Variants in SCRN1 observed in about 807,000 individuals in gnomAD.
SCRN1 encodes the protein secernin-1.
In SCRN1, 19 loss-of-function variants were observed where a neutral mutation model predicts 43.3. The ratio of observed to expected loss-of-function variants is 0.44; its 90% confidence interval spans 0.31 to 0.64. The LOEUF (loss-of-function observed/expected upper bound fraction) is 0.64, where lower values mean the gene tolerates loss of function less well. SCRN1 is among the 30% of genes least tolerant of loss of function. SCRN1 has a pLI of 0.09. For synonymous variants in SCRN1, 183 were observed against 188.9 expected, an observed-to-expected ratio of 0.97 and a Z score of 0.26; for missense variants, 447 against 524.1, an observed-to-expected ratio of 0.85 and a Z score of 1.44.
intron 3 of SCRN1, among the ~76,000 whole-genome samples, chr7:29,951,071 G>A (rs1787903838): frequency 6.6e-6 from 1 of 152,254 alleles, no homozygotes; most frequent in Non-Finnish European, 1.5e-5. Flanking sequence ...GCCCTTTGGG[G>A]AGTCCAGACC....
intron 4 of SCRN1, among the ~76,000 whole-genome samples, chr7:29,941,758 C>A (rs528446289): frequency 2.0e-5 from 3 of 152,208 alleles, no homozygotes; most frequent in African/African-American, 7.2e-5. Context: ...ATGTCTTCTT[C>A]GAAGCCTGAG....
intron 1 of SCRN1, among the ~76,000 whole-genome samples, chr7:29,986,184 C>G (rs1017340129): frequency 6.6e-6 from 1 of 152,154 alleles, no homozygotes; most frequent in South Asian, 2.1e-4. Flanking sequence ...TGCAGTGAGC[C>G]GAGATCGTGC....
Position 29,940,855 on chromosome 7 carries a change from C to T in SCRN1, c.566G>A (p.Ser189Asn), listed in dbSNP as rs35960711. ...CATCTTAGTGGTGAGCGAAAGCTGA[C>T]TGCAAATGCACCTCACTCCCTCTGC... is the stretch of plus-strand genomic sequence containing the variant. ...KVTEGVRCIC[S>N]QLSLTTKMDA... is the part of the protein sequence containing the mutation. The change falls in exon 5 of 8, where the codon AGT becomes AAT. Residue 189 changes from serine (S) to asparagine (N), a missense_variant. Ser to Asn is a conservative substitution (Grantham distance 46). Transcript: ENST00000242059. The T allele has an allele frequency of 0.048, 74,303 of 1,552,436 alleles. 2,142 individuals carry two copies. The highest frequency in any genetic ancestry group is 0.11 in the African/African-American group (7,679 of 71,420).
chr7:29,968,969 A>G lies in SCRN1; in HGVS notation c.99T>C (p.Asp33=), dbSNP rs1788583890. Residue 33 remains aspartate, a synonymous_variant, in exon 2 of 8, where the codon GAT becomes GAC. Transcript: ENST00000242059. ...VFGKNSARPR[D]EVQEVVYFSA... The stretch of plus-strand genomic sequence containing the variant: ...AGAAATACACAACCTCTTGCACTTC[A>G]TCTCTGGGCCGGGCTGAATTTTTCC... 6.2e-7 allele frequency: 1 copy of G among 1,614,150 alleles called. No individual in the cohort carries two copies. Among genetic ancestry groups the G allele is most frequent in the Non-Finnish European group, 8.5e-7 (1 of 1,180,028 alleles).
chr7:29,978,929 T>C (rs912957562), intron 1 of SCRN1, among the ~76,000 whole-genome samples: 5 of 152,264 alleles, frequency 3.3e-5, no homozygotes, highest in East Asian at 1.9e-4. Context: ...TAGGGAAATA[T>C]AGAGTTCAAC....
At chr7:29,966,046 C>T (rs1475611237) in intron 2 of SCRN1, among the ~76,000 whole-genome samples, 2 of 150,502 alleles carry the variant, frequency 1.3e-5, no homozygotes, top group African/African-American at 4.9e-5. Context: ...TAATGTGTCT[C>T]CACTCCAGTG....
rs773331647 is a variant in SCRN1, at chr7:29,926,599, G to A, written c.939C>T (p.Asp313=). The A allele has an allele frequency of 1.1e-5, 17 of 1,613,954 alleles. No homozygotes were observed. Among genetic ancestry groups the A allele is most frequent in the Admixed American group, 6.7e-5 (4 of 59,990 alleles). ...SIFKPFIFVD[D]VKLVPKTQSP... is the part of the protein sequence containing the mutation. ...ACTGTGTTTTGGGGACAAGTTTTAC[G>A]TCATCAACAAAGATGAAAGGCTTGA... The change falls in exon 7 of 8, where the codon GAC becomes GAT. Residue 313 remains aspartate, a synonymous_variant. Coordinates refer to ENST00000242059, the MANE Select transcript of SCRN1 (RefSeq NM_014766.5).
At chr7:29,982,551 T>C (rs1459097624) in intron 1 of SCRN1, among the ~76,000 whole-genome samples, 1 of 151,884 alleles carries the variant, frequency 6.6e-6, no homozygotes, top group Non-Finnish European at 1.5e-5. Context: ...GGTGTAGTGG[T>C]GTACACTTGT....
chr7:29,985,390 G>A (rs1452248492), intron 1 of SCRN1, among the ~76,000 whole-genome samples: 1 of 111,030 alleles, frequency 9.0e-6, no homozygotes, highest in East Asian at 2.1e-4. Context: ...CTGGGTGACA[G>A]AGTGAGACTC....
At chr7:29,957,900 G>A (rs888409352) in intron 2 of SCRN1, among the ~76,000 whole-genome samples, 5 of 152,190 alleles carry the variant, frequency 3.3e-5, no homozygotes, top group Admixed American at 6.5e-5. Context: ...TTAAGGCACA[G>A]AACTACAAGG....
intron 1 of SCRN1, among the ~76,000 whole-genome samples, chr7:29,978,893 C>T (rs904945334): frequency 6.6e-6 from 1 of 152,140 alleles, no homozygotes; most frequent in Non-Finnish European, 1.5e-5. Context: ...AATTTATTGT[C>T]GTGATTCATG....
chr7:29,967,232 A>G (rs1001283755), intron 2 of SCRN1, among the ~76,000 whole-genome samples: 4 of 152,044 alleles, frequency 2.6e-5, no homozygotes, highest in African/African-American at 9.7e-5. Flanking sequence ...TATAAACAAA[A>G]CATAACCAAG....
Position 29,955,377 on chromosome 7 carries a change from GGAAA to G in SCRN1, c.160-21_160-18del, listed in dbSNP as rs1185246302. 6.2e-7 allele frequency: 1 copy of G among 1,611,072 alleles called. No individual in the cohort carries two copies. Among genetic ancestry groups the G allele is most frequent in the Admixed American group, 1.7e-5 (1 of 59,546 alleles). On this transcript the variant is annotated intron_variant, in intron 2 of 7. Coordinates refer to ENST00000242059, the MANE Select transcript of SCRN1 (RefSeq NM_014766.5). ...GTAAGTGCACTGAAAAACAAACACA[GGAAA>G]GAAAGCGCCATCACCTGTCAGGTAC...
rs551844055 is a variant in SCRN1, at chr7:29,940,080, G to C, written c.739+602C>G. On this transcript the variant is annotated intron_variant, in intron 5 of 7. Transcript: ENST00000242059. The stretch of plus-strand genomic sequence containing the variant: ...GGGTGCAGCTGAGGGAGGATCGCTT[G>C]AGTTCAGGAGGTGGAAGCTGCAGTG... Among the ~76,000 whole-genome samples the C allele has an allele frequency of 1.0e-3, 152 of 152,256 alleles. 2 individuals carry two copies. Among genetic ancestry groups the C allele is most frequent in the Non-Finnish European group, 5.0e-4 (34 of 68,018 alleles).
intron 2 of SCRN1, among the ~76,000 whole-genome samples, chr7:29,962,410 G>C (rs1788356685): frequency 6.6e-6 from 1 of 152,032 alleles, no homozygotes; most frequent in African/African-American, 2.4e-5. Flanking sequence ...AAATGGGCCA[G>C]GCATGGTGGC....
intron 1 of SCRN1, among the ~76,000 whole-genome samples, chr7:29,979,150 G>A (rs1443618784): frequency 6.6e-6 from 1 of 152,118 alleles, no homozygotes; most frequent in Non-Finnish European, 1.5e-5. Context: ...GGGTCACAAG[G>A]TCAGGAGTTC....
intron 3 of SCRN1, among the ~76,000 whole-genome samples, chr7:29,954,550 G>C (rs1788066284): frequency 6.6e-6 from 1 of 152,062 alleles, no homozygotes; most frequent in South Asian, 2.1e-4. Flanking sequence ...CTAACTTCCT[G>C]CCTCTATGGA....
At chr7:29,961,526 C>T (rs926639147) in intron 2 of SCRN1, among the ~76,000 whole-genome samples, 27 of 149,862 alleles carry the variant, frequency 1.8e-4, no homozygotes, top group Admixed American at 9.3e-4. Context: ...ACCTTTCCCG[C>T]CTTTCTATTC....
At chr7:29,940,274 T>C (rs890196800) in intron 5 of SCRN1, among the ~76,000 whole-genome samples, 9 of 152,106 alleles carry the variant, frequency 5.9e-5, no homozygotes, top group Admixed American at 5.9e-4. Context: ...AACAAAAAAT[T>C]ATACAGGCAT....
Sources: allele counts gnomAD v4.1 joint callset (sites outside exome capture counted in the v4.1 genomes callset), GRCh38; gene constraint gnomAD v4.1.1; transcripts MANE v1.5; gene names NCBI Gene and HGNC (gene_info 2026-07-23, HGNC 2026-07-21).